Variants in TRAK2 observed in about 807,000 individuals in gnomAD.
TRAK2 encodes the protein trafficking kinesin-binding protein 2.
In TRAK2, 81 loss-of-function variants were observed where a neutral mutation model predicts 104.6. The ratio of observed to expected loss-of-function variants is 0.77; its 90% CI spans 0.65 to 0.93. The LOEUF (loss-of-function observed/expected upper bound fraction) is 0.93. Among genes scored for constraint, TRAK2 ranks in the 40% least tolerant of loss-of-function variants. TRAK2 has a pLI of 0.00. For missense variants in TRAK2, 1,002 were observed against 1,089.0 expected, an observed-to-expected ratio of 0.92 and a Z score of 1.12; for synonymous variants, 406 against 394.4, an observed-to-expected ratio of 1.03 and a Z score of -0.35.
At chr2:201,449,101 C>T (rs1951988658) in intron 1 of TRAK2, among the ~76,000 whole-genome samples, 2 of 152,088 alleles carry the variant, frequency 1.3e-5, no homozygotes, top group African/African-American at 2.4e-5. Flanking sequence ...ATGGGCTTTT[C>T]GGGTCTTACT....
At chr2:201,428,111 T>C (rs548087318) in intron 1 of TRAK2, among the ~76,000 whole-genome samples, 1 of 152,142 alleles carries the variant, frequency 6.6e-6, no homozygotes, top group African/African-American at 2.4e-5. Flanking sequence ...TCTCCCATTT[T>C]GTAGGTTGCC....
At chr2:201,430,962 C>T (rs1951837431) in intron 1 of TRAK2, among the ~76,000 whole-genome samples, 1 of 152,206 alleles carries the variant, frequency 6.6e-6, no homozygotes, top group Non-Finnish European at 1.5e-5. Flanking sequence ...GGAACCCCTC[C>T]CTGTCTAGTA....
intron 3 of TRAK2, among the ~76,000 whole-genome samples, chr2:201,405,023 T>C (rs1951581254): frequency 6.6e-6 from 1 of 152,212 alleles, no homozygotes; most frequent in African/African-American, 2.4e-5. Context: ...ACCATTTGAA[T>C]GACAATTTTC....
chr2:201,385,861 T>C (rs1485903906), intron 14 of TRAK2, among the ~76,000 whole-genome samples: 1 of 152,244 alleles, frequency 6.6e-6, no homozygotes, highest in African/African-American at 2.4e-5. Context: ...TTAATACATA[T>C]TTTTATGGTT....
intron 1 of TRAK2, among the ~76,000 whole-genome samples, chr2:201,449,527 C>G (rs1559458029): frequency 1.4e-5 from 2 of 144,942 alleles, no homozygotes; most frequent in Non-Finnish European, 3.0e-5. Context: ...TCTTGTTGCC[C>G]AGACTGGAGT....
At position 201,380,939 on chromosome 2, in the gene TRAK2, G is replaced by T; in HGVS notation, c.2349C>A (p.His783Gln). 1.2e-6 allele frequency: 2 copies of T among 1,614,142 alleles called. No homozygotes were observed. The highest frequency in any genetic ancestry group is 2.2e-5 in the South Asian group (2 of 91,082). Residue 783 changes from histidine to glutamine, a missense_variant, in exon 16 of 16, where the codon CAC becomes CAA. By Grantham distance (24) the His-to-Gln change is conservative. Coordinates refer to ENST00000332624, the MANE Select transcript of TRAK2 (RefSeq NM_015049.3). Reference sequence around the variant, plus strand: ...AGGGTAAAGGAGAAGGGCAAGGTGAGTGAGATGGTGAATTTGGTGGTGTGG... The same window carrying T: ...AGGGTAAAGGAGAAGGGCAAGGTGATTGAGATGGTGAATTTGGTGGTGTGG... Reference protein sequence around the residue: ...IPSTPPNSPSHSPCPSPLPFE... With the variant: ...IPSTPPNSPSQSPCPSPLPFE...
intron 9 of TRAK2, among the ~76,000 whole-genome samples, chr2:201,393,904 C>T (rs534503274): frequency 2.0e-5 from 3 of 152,246 alleles, no homozygotes; most frequent in Admixed American, 1.3e-4. Flanking sequence ...TGCACCACTA[C>T]ACCTAGCTAA....
chr2:201,429,144 T>C lies in TRAK2; in HGVS notation c.-199-8438A>G, dbSNP rs145040526. Among the ~76,000 whole-genome samples the C allele has an allele frequency of 2.9e-3, 440 of 152,338 alleles. 1 individual carries two copies. The highest frequency in any genetic ancestry group is 8.9e-3 in the African/African-American group (370 of 41,558). On this transcript the variant is annotated intron_variant, in intron 1 of 15. Transcript: ENST00000332624. ...ACAGTTTGACTTCTTCTTTTCCTAA[T>C]TGAATACCCTCTATTTCTTTCTCTT... is the stretch of plus-strand genomic sequence containing the variant.
At chr2:201,428,776 G>A (rs556312126) in intron 1 of TRAK2, among the ~76,000 whole-genome samples, 2 of 152,248 alleles carry the variant, frequency 1.3e-5, no homozygotes, top group East Asian at 1.9e-4. Context: ...CCATTTTCAC[G>A]ATGTTGATTT....
chr2:201,449,790 G>A lies in TRAK2; in HGVS notation c.-200+1560C>T, dbSNP rs562713562. On this transcript the variant is annotated intron_variant, in intron 1 of 15. Coordinates refer to ENST00000332624, the MANE Select transcript of TRAK2 (RefSeq NM_015049.3). ...CCTCCGAGTAGCTGGGACTACAGGC[G>A]CGTGCCACCACGCCCGGCTAATTTC... 3.9e-5 allele frequency among the ~76,000 whole-genome samples: 6 copies of A among 152,050 alleles called. No homozygotes were observed. In the South Asian group the frequency reaches 6.2e-4, roughly 16 times the overall value.
In TRAK2 at chr2:201,378,028, A is replaced by AT. The variant is rs1052809004; in HGVS notation, c.*2514dup. On this transcript the variant is annotated 3_prime_UTR_variant, in exon 16 of 16. Coordinates refer to ENST00000332624, the MANE Select transcript of TRAK2 (RefSeq NM_015049.3). The stretch of plus-strand genomic sequence containing the variant: ...ATTAGGCTCCAATTCTTCTTACTAT[A>AT]TTTTGCAGACAATTCTAGTATTATA... 1.3e-5 allele frequency: 2 copies of AT among 152,262 alleles called. No homozygotes were observed. Among genetic ancestry groups the AT allele is most frequent in the African/African-American group, 4.8e-5 (2 of 41,440 alleles). 9.4% of individuals were successfully genotyped at this position (152,262 alleles called of 1,614,324 possible).
chr2:201,394,343 CTTTCTT>C (rs1166404426), intron 9 of TRAK2, among the ~76,000 whole-genome samples: 3 of 126,566 alleles, frequency 2.4e-5, no homozygotes, highest in African/African-American at 8.6e-5. Context: ...TATTCTTTTT[CTTTCTT>C]TTTTTTTTTT....
Position 201,392,925 on chromosome 2 carries a change from T to C in TRAK2, c.1097A>G (p.Tyr366Cys), listed in dbSNP as rs1238512550. 2 of 1,612,132 alleles carry C rather than the reference T, an allele frequency of 1.2e-6. No individual in the cohort carries two copies. Among genetic ancestry groups the C allele is most frequent in the Admixed American group, 1.7e-5 (1 of 59,436 alleles). The change falls in exon 10 of 16, where the codon TAT (tyrosine) becomes TGT (cysteine). Residue 366 changes from tyrosine to cysteine, a missense_variant. Tyr to Cys is a radical substitution (Grantham distance 194). Transcript: ENST00000332624. Reference protein sequence around the residue: ...PTAHLYFSQSYGAFTGESLAA... With the variant: ...PTAHLYFSQSCGAFTGESLAA... ...GTTGCTTACCCCAGTAAAAGCTCCA[T>C]ATGATTGGGAGAAGTAGAGATGAGC...
At chr2:201,437,885 T>C (rs775569446) in intron 1 of TRAK2, among the ~76,000 whole-genome samples, 8 of 152,204 alleles carry the variant, frequency 5.3e-5, no homozygotes, top group Admixed American at 1.3e-4. Flanking sequence ...ACTTGGTTTT[T>C]CATGCAGACT....
intron 2 of TRAK2, chr2:201,412,580 T>G (rs1353836598): frequency 7.1e-7 from 1 of 1,407,400 alleles, no homozygotes; most frequent in Non-Finnish European, 1.0e-6. Flanking sequence ...TCACTGACTG[T>G]TTCACAGCTC....
chr2:201,387,898 G>C lies in TRAK2; in HGVS notation c.1501C>G (p.Gln501Glu), dbSNP rs1415106172. 1 of 1,614,146 alleles carries C rather than the reference G, an allele frequency of 6.2e-7. No homozygotes were observed. Among genetic ancestry groups the C allele is most frequent in the Non-Finnish European group, 8.5e-7 (1 of 1,180,012 alleles). The change falls in exon 13 of 16, where the codon CAG becomes GAG. Residue 501 changes from glutamine (Q) to glutamate (E), a missense_variant. Gln to Glu is a conservative substitution (Grantham distance 29, BLOSUM62 2). Coordinates refer to ENST00000332624, the MANE Select transcript of TRAK2 (RefSeq NM_015049.3). Reference sequence around the variant, plus strand: ...CGCTGCCATTCTTCAGCAAAGAACTGCTTCTCACTTAAATAGTTTTGTCGA... The same window carrying C: ...CGCTGCCATTCTTCAGCAAAGAACTCCTTCTCACTTAAATAGTTTTGTCGA... The part of the protein sequence containing the change: ...LRRQNYLSEK[Q>E]FFAEEWQRKI...
chr2:201,415,132 A>G (rs920806806), intron 2 of TRAK2, among the ~76,000 whole-genome samples: 6 of 152,002 alleles, frequency 3.9e-5, no homozygotes, highest in African/African-American at 1.4e-4. Context: ...GCCTACCGGT[A>G]AGATAATTAA....
chr2:201,451,128 T>C (rs1450676811), intron 1 of TRAK2, among the ~76,000 whole-genome samples: 1 of 152,326 alleles, frequency 6.6e-6, no homozygotes, highest in East Asian at 1.9e-4. Context: ...CTGGGCTGAA[T>C]ACCGACGCCA....
At chr2:201,443,746 T>C (rs1951943582) in intron 1 of TRAK2, among the ~76,000 whole-genome samples, 1 of 152,110 alleles carries the variant, frequency 6.6e-6, no homozygotes. Context: ...CTTTTCTCCA[T>C]CCTCTCTTCC....
Sources: allele counts gnomAD v4.1 joint callset (sites outside exome capture counted in the v4.1 genomes callset), GRCh38; gene constraint gnomAD v4.1.1; transcripts MANE v1.5; gene names NCBI Gene and HGNC (gene_info 2026-07-23, HGNC 2026-07-21).